Variants in PIK3C2A observed in about 807,000 individuals in gnomAD.
PIK3C2A encodes the protein phosphatidylinositol-4-phosphate 3-kinase catalytic subunit type 2 alpha.
A neutral mutation model predicts 204.5 loss-of-function variants in PIK3C2A; 97 were observed. That is an observed-to-expected ratio of 0.47 (90% confidence interval 0.40 to 0.56). The LOEUF (loss-of-function observed/expected upper bound fraction) is 0.56, where lower values mean the gene tolerates loss of function less well. Ranked by LOEUF, PIK3C2A falls within the 20% of genes least tolerant of loss-of-function variation. The pLI is 0.00. For synonymous variants in PIK3C2A, 653 were observed against 664.4 expected (o/e 0.98, Z 0.26); for missense variants, 1,735 against 1,969.2 (o/e 0.88, Z 2.25).
rs370222104 is a variant in PIK3C2A, at chr11:17,086,954, A to C, written c.*2784T>G. On this transcript the variant is annotated 3_prime_UTR_variant, in exon 33 of 33. Coordinates refer to ENST00000691414, the MANE Select transcript of PIK3C2A (RefSeq NM_002645.4). ...CTTTAATTTGAAAAAAGAAATGATC[A>C]AAGATCATACATGCCTTAACATTTA... 1.3e-5 allele frequency: 2 copies of C among 152,206 alleles called. No individual in the cohort carries two copies. The highest frequency in any genetic ancestry group is 6.5e-5 in the Admixed American group (1 of 15,280). 9.4% of individuals were successfully genotyped at this position (152,206 alleles called of 1,614,324 possible). A position where few individuals can be genotyped will look rare whatever the true frequency, so the allele number is the denominator to read the frequency against.
Position 17,102,305 on chromosome 11 carries a change from C to T in PIK3C2A, c.3851+357G>A, listed in dbSNP as rs947486961. On this transcript the variant is annotated intron_variant, in intron 24 of 32. Transcript: ENST00000691414. ...CAAAAAAATTAGCCGGGCGTGGTGGCGGGCGCCTGTAGTCCCAGCTACTCA... is the reference window on the plus strand; with the variant it reads ...CAAAAAAATTAGCCGGGCGTGGTGGTGGGCGCCTGTAGTCCCAGCTACTCA... Among the ~76,000 whole-genome samples, 14 of 152,110 alleles carry T rather than the reference C, an allele frequency of 9.2e-5. 1 individual carries two copies. Among genetic ancestry groups the T allele is most frequent in the African/African-American group, 1.4e-4 (6 of 41,508 alleles).
intron 19 of PIK3C2A, chr11:17,115,701 G>A (rs1849162093): frequency 6.6e-6 from 1 of 152,132 alleles, no homozygotes; most frequent in African/African-American, 2.4e-5. Context: ...TCGTAGTGTA[G>A]GGGGCATGCT....
rs540386872 is a variant in PIK3C2A at position 17,163,562 on chromosome 11, C to T, written c.1065+5115G>A. 3.9e-5 allele frequency among the ~76,000 whole-genome samples: 6 copies of T among 151,976 alleles called. No individual in the cohort carries two copies. The South Asian group carries it at 6.2e-4, about 16-fold the overall frequency. ...GACTACAGAATAGCTGTAGTCCCAG[C>T]GTGCATCACCACACACAGCTATTTT... is the stretch of plus-strand genomic sequence containing the variant. On this transcript the variant is annotated intron_variant, in intron 2 of 32. Coordinates refer to ENST00000691414, the MANE Select transcript of PIK3C2A (RefSeq NM_002645.4).
intron 20 of PIK3C2A, among the ~76,000 whole-genome samples, chr11:17,113,230 C>G (rs560652052): frequency 6.6e-6 from 1 of 152,172 alleles, no homozygotes; most frequent in Admixed American, 6.5e-5. Flanking sequence ...CGCAAAAATA[C>G]TTTTTGAAAC....
chr11:17,119,353 C>A (rs757192515), intron 16 of PIK3C2A, 40 bp from the exon 17 acceptor site: 2 of 1,168,198 alleles, frequency 1.7e-6, no homozygotes, highest in Non-Finnish European at 2.6e-6. Context: ...ACAGTGATTT[C>A]TTTCCAGTGA....
At chr11:17,141,930 C>T (rs1316294630) in intron 8 of PIK3C2A, among the ~76,000 whole-genome samples, 2 of 152,044 alleles carry the variant, frequency 1.3e-5, no homozygotes, top group Admixed American at 6.6e-5. Flanking sequence ...AGGATGACTC[C>T]AGGGTTTTGG....
At chr11:17,206,679 A>T (rs1852589497) in intron 1 of PIK3C2A, among the ~76,000 whole-genome samples, 1 of 151,940 alleles carries the variant, frequency 6.6e-6, no homozygotes, top group African/African-American at 2.4e-5. Flanking sequence ...AAGGAGGCAA[A>T]GGTACAAAGT....
In PIK3C2A at chr11:17,114,462, C is replaced by A; in HGVS notation, c.3220G>T (p.Val1074Phe). 6.9e-7 allele frequency: 1 copy of A among 1,440,438 alleles called. No individual in the cohort carries two copies. Among genetic ancestry groups the A allele is most frequent in the Non-Finnish European group, 9.8e-7 (1 of 1,023,568 alleles). 89.2% of individuals were successfully genotyped at this position (1,440,438 alleles called of 1,614,324 possible). ...ACTCGTTCCATACTTCTTTGGAGAA[C>A]AACCTATAGAAAGAGATGTGATACT... ...RQASGSARQV[V>F]LQRSMERVQS... The change falls in exon 20 of 33, where the codon GTT becomes TTT. Residue 1074 changes from valine (V) to phenylalanine (F), a missense_variant. By Grantham distance (50) the Val-to-Phe change is conservative. Coordinates refer to ENST00000691414, the MANE Select transcript of PIK3C2A (RefSeq NM_002645.4).
chr11:17,148,584 T>C (rs895044421), intron 5 of PIK3C2A, 83 bp downstream of exon 5: 123 of 1,222,146 alleles, frequency 1.0e-4, no homozygotes, highest in East Asian at 9.7e-5. Context: ...TTCTGCATTA[T>C]AAATTTAACT....
chr11:17,130,731 C>T (rs984575632), intron 12 of PIK3C2A, among the ~76,000 whole-genome samples: 2 of 148,536 alleles, frequency 1.3e-5, no homozygotes, highest in Admixed American at 6.8e-5. Context: ...CACTTGAACC[C>T]GGGAAGCTGA....
At chr11:17,196,362 A>G (rs1443776812) in intron 1 of PIK3C2A, among the ~76,000 whole-genome samples, 1 of 152,230 alleles carries the variant, frequency 6.6e-6, no homozygotes, top group Non-Finnish European at 1.5e-5. Context: ...GAAAATAGGC[A>G]TAACAAACAA....
chr11:17,108,194 A>T (rs1848892135), intron 22 of PIK3C2A, among the ~76,000 whole-genome samples: 1 of 152,192 alleles, frequency 6.6e-6, no homozygotes, highest in African/African-American at 2.4e-5. Flanking sequence ...ATTCTAAAAG[A>T]GCTGTAACAC....
At chr11:17,172,670 A>G (rs1287103201) in intron 1 of PIK3C2A, among the ~76,000 whole-genome samples, 1 of 152,174 alleles carries the variant, frequency 6.6e-6, no homozygotes, top group Non-Finnish European at 1.5e-5. Context: ...ACCTTCCTTC[A>G]CTTATCCTCA....
intron 1 of PIK3C2A, among the ~76,000 whole-genome samples, chr11:17,176,042 C>T (rs907085245): frequency 6.0e-5 from 9 of 149,924 alleles, no homozygotes; most frequent in Admixed American, 1.3e-4. Context: ...CTCACTCTGT[C>T]GCCCAGGCTA....
chr11:17,106,841 T>C (rs1848837138), intron 22 of PIK3C2A, among the ~76,000 whole-genome samples: 1 of 152,258 alleles, frequency 6.6e-6, no homozygotes, highest in South Asian at 2.1e-4. Context: ...AAAATTTCTT[T>C]AATCATATAT....
At chr11:17,142,864 A>T (rs1850111627) in intron 8 of PIK3C2A, among the ~76,000 whole-genome samples, 1 of 152,122 alleles carries the variant, frequency 6.6e-6, no homozygotes. Flanking sequence ...ATGGGAAGAA[A>T]GGAATTGGAA....
intron 13 of PIK3C2A, among the ~76,000 whole-genome samples, chr11:17,126,636 T>C (rs376497577): frequency 2.8e-4 from 43 of 152,188 alleles, no homozygotes; most frequent in Non-Finnish European, 5.9e-5. Flanking sequence ...ATAATAATAA[T>C]CATCTCTCTT....
In PIK3C2A at chr11:17,169,700, T is replaced by C. The variant is rs1257388851; in HGVS notation, c.42A>G (p.Pro14=). The C allele has an allele frequency of 1.9e-6, 3 of 1,607,856 alleles. No individual in the cohort carries two copies. Among genetic ancestry groups the C allele is most frequent in the Non-Finnish European group, 2.5e-6 (3 of 1,179,648 alleles). ...ISSNSGFKEC[P]SSHPEPTRAK... ...CTCTTGTTGGTTCCGGATGTGAAGA[T>C]GGACATTCTTTAAATCCGCTGTTGC... Residue 14 remains proline, a synonymous_variant, in exon 2 of 33, where the codon CCA becomes CCG. Coordinates refer to ENST00000691414, the MANE Select transcript of PIK3C2A (RefSeq NM_002645.4).
At chr11:17,152,659 T>A (rs1391707614) in intron 3 of PIK3C2A, among the ~76,000 whole-genome samples, 3 of 152,146 alleles carry the variant, frequency 2.0e-5, no homozygotes, top group Non-Finnish European at 4.4e-5. Context: ...TACTTCCCTA[T>A]CACCCAAATA....
Sources: allele counts gnomAD v4.1 joint callset (sites outside exome capture counted in the v4.1 genomes callset), GRCh38; gene constraint gnomAD v4.1.1; transcripts MANE v1.5; gene names NCBI Gene and HGNC (gene_info 2026-07-23, HGNC 2026-07-21).